DNAJC1: variants seen among roughly 807,000 people sequenced by gnomAD.
DNAJC1 encodes the protein DnaJ heat shock protein family (Hsp40) member C1.
A neutral mutation model predicts 76.6 loss-of-function variants in DNAJC1; 58 were observed. That is an observed-to-expected ratio of 0.76 (90% CI 0.61 to 0.94). The LOEUF is 0.94. Ranked by LOEUF, DNAJC1 falls within the 40% of genes least tolerant of loss-of-function variation. The probability of loss-of-function intolerance (pLI) is 0.00; values close to 1 mark genes in which losing one functional copy is unlikely to be tolerated. For synonymous variants in DNAJC1, 258 were observed against 267.9 expected, an observed-to-expected ratio of 0.96 and a Z score of 0.36; for missense variants, 689 against 677.3, an observed-to-expected ratio of 1.02 and a Z score of -0.19.
At chr10:21,949,707 G>A (rs367587316) in intron 1 of DNAJC1, among the ~76,000 whole-genome samples, 12 of 151,782 alleles carry the variant, frequency 7.9e-5, no homozygotes, top group African/African-American at 1.5e-4. Context: ...GTGAGCCACC[G>A]CACCCGGCCA....
At chr10:21,902,730 G>A (rs895846898) in intron 7 of DNAJC1, among the ~76,000 whole-genome samples, 1 of 152,076 alleles carries the variant, frequency 6.6e-6, no homozygotes, top group Non-Finnish European at 1.5e-5. Flanking sequence ...AACACTTCAT[G>A]TTTAACCTAA....
chr10:21,812,553 T>C (rs1209993584), intron 8 of DNAJC1, among the ~76,000 whole-genome samples: 1 of 152,048 alleles, frequency 6.6e-6, no homozygotes, highest in African/African-American at 2.4e-5. Flanking sequence ...CTATAATCTA[T>C]ATTTTCTTTT....
intron 3 of DNAJC1, among the ~76,000 whole-genome samples, chr10:21,924,155 T>A (rs953205014): frequency 1.3e-5 from 2 of 152,006 alleles, no homozygotes; most frequent in Admixed American, 6.6e-5. Context: ...AATATATATA[T>A]GCCAAAAATT....
chr10:21,815,610 T>C (rs898333976), intron 8 of DNAJC1, among the ~76,000 whole-genome samples: 1 of 152,192 alleles, frequency 6.6e-6, no homozygotes, highest in African/African-American at 2.4e-5. Context: ...ATTTCCTTAA[T>C]GGTGTCTTTT....
In DNAJC1 at chr10:22,003,591, G is replaced by T; in HGVS notation, c.-157C>A. On this transcript the variant is annotated 5_prime_UTR_variant, in exon 1 of 12. Transcript: ENST00000376980. ...CCAGGTGGCTGGCCCCAGACAGAGCGCGGAGGCGGCGGGAGCCGGCTGCCG... is the reference window on the plus strand; with the variant it reads ...CCAGGTGGCTGGCCCCAGACAGAGCTCGGAGGCGGCGGGAGCCGGCTGCCG... 1.1e-6 allele frequency: 1 copy of T among 906,886 alleles called. No individual in the cohort carries two copies. Among genetic ancestry groups the T allele is most frequent in the Non-Finnish European group, 1.5e-6 (1 of 689,056 alleles). 56.2% of individuals were successfully genotyped at this position (906,886 alleles called of 1,614,324 possible). A position where few individuals can be genotyped will look rare whatever the true frequency, so the allele number is the denominator to read the frequency against.
chr10:21,860,074 T>C (rs1215054851), intron 8 of DNAJC1, among the ~76,000 whole-genome samples: 1 of 151,056 alleles, frequency 6.6e-6, no homozygotes, highest in Non-Finnish European at 1.5e-5. Context: ...TGAGCTACCG[T>C]GCCCGGCCAG....
intron 8 of DNAJC1, among the ~76,000 whole-genome samples, chr10:21,867,065 G>T (rs1440767474): frequency 1.3e-5 from 2 of 152,028 alleles, no homozygotes; most frequent in African/African-American, 4.8e-5. Flanking sequence ...TTACAAGAAA[G>T]TCTAAATATC....
intron 8 of DNAJC1, among the ~76,000 whole-genome samples, chr10:21,864,622 AAAACAAAC>A (rs145886506): frequency 3.3e-5 from 5 of 150,870 alleles, no homozygotes; most frequent in African/African-American, 7.3e-5. Flanking sequence ...ACTCTGTCTA[AAAACAAAC>A]AAACAAACAA....
intron 8 of DNAJC1, among the ~76,000 whole-genome samples, chr10:21,846,193 C>A (rs1835657290): frequency 6.6e-6 from 1 of 152,158 alleles, no homozygotes; most frequent in Non-Finnish European, 1.5e-5. Context: ...AGTTTGCGTA[C>A]AATGTCTGTG....
intron 7 of DNAJC1, among the ~76,000 whole-genome samples, chr10:21,882,757 CT>C (rs1836302587): frequency 6.6e-6 from 1 of 152,134 alleles, no homozygotes; most frequent in Non-Finnish European, 1.5e-5. Context: ...GTAACCCTAA[CT>C]TTACCATGTA....
chr10:21,852,487 AT>A (rs1457562462), intron 8 of DNAJC1, among the ~76,000 whole-genome samples: 1 of 152,204 alleles, frequency 6.6e-6, no homozygotes, highest in Non-Finnish European at 1.5e-5. Flanking sequence ...TTTCACCTCA[AT>A]TTTTAAAAAC....
At chr10:21,851,744 G>C (rs1258594961) in intron 8 of DNAJC1, among the ~76,000 whole-genome samples, 1 of 152,030 alleles carries the variant, frequency 6.6e-6, no homozygotes, top group Non-Finnish European at 1.5e-5. Context: ...TTTATCAATG[G>C]ATGAATGGAT....
chr10:21,763,801 T>C (rs1834267175), intron 10 of DNAJC1, among the ~76,000 whole-genome samples: 1 of 152,086 alleles, frequency 6.6e-6, no homozygotes, highest in African/African-American at 2.4e-5. Flanking sequence ...CTTGTTGCAA[T>C]ATCTTGAGAG....
In DNAJC1 at chr10:21,882,275, T is replaced by G. The variant is rs372072091; in HGVS notation, c.978+7A>C. The G allele has an allele frequency of 1.3e-5, 20 of 1,590,184 alleles. No homozygotes were observed. In the African/African-American group the frequency reaches 2.5e-4, roughly 20 times the overall value. ...TACTCAAAACAAGTTTTATAAAGCT[T>G]ATTTACCTGTTTTTTCTGTGTTCGG... On this transcript the variant is annotated splice_region_variant and intron_variant, in intron 8 of 11. Coordinates refer to ENST00000376980, the MANE Select transcript of DNAJC1 (RefSeq NM_022365.4).
intron 7 of DNAJC1, among the ~76,000 whole-genome samples, chr10:21,903,464 ATT>A (rs1474661465): frequency 1.3e-5 from 2 of 152,252 alleles, no homozygotes; most frequent in South Asian, 2.1e-4. Flanking sequence ...TCTGAATATT[ATT>A]TTGTATTTGT....
chr10:21,798,458 C>A (rs1338194994), intron 9 of DNAJC1, among the ~76,000 whole-genome samples: 1 of 152,140 alleles, frequency 6.6e-6, no homozygotes, highest in Admixed American at 6.5e-5. Flanking sequence ...TTCCTGTTAT[C>A]TCCTTCTCCT....
chr10:21,894,388 C>A (rs942746274), intron 7 of DNAJC1, among the ~76,000 whole-genome samples: 3 of 152,026 alleles, frequency 2.0e-5, no homozygotes, highest in African/African-American at 4.8e-5. Flanking sequence ...CTGGCCAACA[C>A]GGTGAAACCT....
chr10:21,918,642 T>A, intron 6 of DNAJC1, 137 bp downstream of exon 6: 1 of 599,792 alleles, frequency 1.7e-6, no homozygotes, highest in Admixed American at 3.1e-5. Context: ...TAGGTTTAAC[T>A]TATAAAAATC....
intron 8 of DNAJC1, among the ~76,000 whole-genome samples, chr10:21,838,518 C>A (rs1392749977): frequency 2.0e-5 from 3 of 152,132 alleles, no homozygotes; most frequent in Admixed American, 1.3e-4. Flanking sequence ...CTAGGAAAAC[C>A]AGAGACCCTT....
Sources: allele counts gnomAD v4.1 joint callset (sites outside exome capture counted in the v4.1 genomes callset), GRCh38; gene constraint gnomAD v4.1.1; transcripts MANE v1.5; gene names NCBI Gene and HGNC (gene_info 2026-07-23, HGNC 2026-07-21).